Variants in PLEC observed in about 807,000 individuals in gnomAD.
PLEC encodes the protein hemidesmosomal protein 1.
In PLEC, 216 loss-of-function variants were observed where a neutral mutation model predicts 392.8. The observed-to-expected ratio is 0.55, with a 90% CI of 0.49 to 0.62. The LOEUF (loss-of-function observed/expected upper bound fraction) is 0.62, where lower values mean the gene tolerates loss of function less well. Ranked by LOEUF, PLEC falls within the 20% of genes least tolerant of loss-of-function variation. PLEC has a pLI of 0.00. For synonymous variants in PLEC, 3,621 were observed against 2,980.6 expected (o/e 1.21, Z -7.00); for missense variants, 6,863 against 6,563.4 (o/e 1.05, Z -1.58).
intron 1 of PLEC, among the ~76,000 whole-genome samples, chr8:143,959,864 C>T (rs1317305540): frequency 2.6e-5 from 4 of 152,006 alleles, no homozygotes; most frequent in African/African-American, 7.3e-5. Flanking sequence ...GGTGTGGTGG[C>T]GGGCGCCTGT....
rs781929758 is a variant in PLEC, at chr8:143,916,342, C to G, written c.13479G>C (p.Ser4493=). Reference sequence around the variant, plus strand: ...GGGAGCCGGCCCGGGAGCCGGTGCGCGAGCCGGTGCGGGAGCCAGCGGTAG... The same window carrying G: ...GGGAGCCGGCCCGGGAGCCGGTGCGGGAGCCGGTGCGGGAGCCAGCGGTAG... ...SGSTAGSRTG[S]RTGSRAGSRR... The change falls in exon 32 of 32, where the codon TCG becomes TCC. Residue 4493 remains serine, a synonymous_variant. Transcript: ENST00000345136. 4.8e-5 allele frequency: 76 copies of G among 1,598,438 alleles called. No individual in the cohort carries two copies. The highest frequency in any genetic ancestry group is 3.1e-4 in the Admixed American group (18 of 58,942).
chr8:143,954,044 G>A, upstream of PLEC: 1 of 732,676 alleles, frequency 1.4e-6, no homozygotes, highest in Non-Finnish European at 2.0e-6. The surrounding 1 kb of genome is among the most constrained non-coding windows in gnomAD (Gnocchi z 4.6). Context: ...CACCAGGCCG[G>A]ATCCAGGAGC....
At position 143,921,019 on chromosome 8, in the gene PLEC, C is replaced by T. The variant is rs782395875; in HGVS notation, c.8802G>A (p.Thr2934=). ...GCAGCAGGTCCCGCCGCTGCTCTGC[C>T]GTGAAGTATTCCGAGTTGATGATCT... ...IWEIINSEYF[T]AEQRRDLLRQ... Residue 2934 remains threonine, a synonymous_variant, in exon 32 of 32, where the codon ACG becomes ACA. Coordinates refer to ENST00000345136, the MANE Select transcript of PLEC (RefSeq NM_201384.3). The T allele has an allele frequency of 8.7e-6, 14 of 1,613,076 alleles. No individual in the cohort carries two copies. Among genetic ancestry groups the T allele is most frequent in the Middle Eastern group, 1.6e-4 (1 of 6,084 alleles).
chr8:143,975,424 C>A (rs1554745808), upstream of PLEC: 4 of 1,513,586 alleles, frequency 2.6e-6, no homozygotes, highest in Non-Finnish European at 3.6e-6. The surrounding 1 kb of genome is among the most constrained non-coding windows in gnomAD (Gnocchi z 9.9). Flanking sequence ...CAGGAGTGGA[C>A]TCTGCACGCC....
chr8:143,923,039 G>A lies in PLEC; in HGVS notation c.6890C>T (p.Ala2297Val). The A allele has an allele frequency of 6.2e-7, 1 of 1,611,040 alleles. No homozygotes were observed. The highest frequency in any genetic ancestry group is 2.2e-5 in the East Asian group (1 of 44,818). ...AQEAARLRQL[A>V]EEDLAQQRAL... ...CCGCTGCTGTGCCAGGTCCTCCTCT[G>A]CCAGCTGCCGCAGTCGCGCAGCCTC... Residue 2297 changes from alanine (A) to valine (V), a missense_variant, in exon 31 of 32, where the codon GCA becomes GTA. Coordinates refer to ENST00000345136, the MANE Select transcript of PLEC (RefSeq NM_201384.3).
At chr8:143,931,141 G>A (rs545086742) in intron 19 of PLEC, among the ~76,000 whole-genome samples, 5 of 152,146 alleles carry the variant, frequency 3.3e-5, no homozygotes, top group Non-Finnish European at 7.4e-5. Flanking sequence ...CACAAGGGCT[G>A]GCGGTGCCCC....
At chr8:143,939,252 C>A in intron 1 of PLEC, 98 bp downstream of exon 1, 3 of 1,488,892 alleles carry the variant, frequency 2.0e-6, no homozygotes, top group Non-Finnish European at 1.8e-6. Flanking sequence ...AAGACCAGCC[C>A]CCCAGCGGTG....
At position 143,923,445 on chromosome 8, in the gene PLEC, C is replaced by T. The variant is rs782617462; in HGVS notation, c.6484G>A (p.Ala2162Thr). ...TGCTTCTCCATCTCCGCGTCAGCTG[C>T]CTGCTTCTGCCGCAGGGCCGCCTGC... ...AEQAALRQKQ[A>T]ADAEMEKHKK... Residue 2162 changes from alanine (A) to threonine (T), a missense_variant, in exon 31 of 32, where the codon GCA (alanine) becomes ACA (threonine). Transcript: ENST00000345136. 1 of 1,608,826 alleles carries T rather than the reference C, an allele frequency of 6.2e-7. No individual in the cohort carries two copies. Among genetic ancestry groups the T allele is most frequent in the South Asian group, 1.1e-5 (1 of 91,054 alleles).
Position 143,939,350 on chromosome 8 carries a change from C to A in PLEC, c.112G>T (p.Asp38Tyr). Residue 38 changes from aspartate to tyrosine, a missense_variant and splice_region_variant, in exon 1 of 32, where the codon GAT becomes TAT. By Grantham distance (160) the Asp-to-Tyr change is radical. Transcript: ENST00000345136. ...GGGTGCCCGAGGGGAGCCCTGCTAC[C>A]TTTCTTGCCCTCAGAGGCCCTGAGC... ...AVLRASEGKKDERDRVQKKTF... is the reference protein window; with the variant it reads ...AVLRASEGKKYERDRVQKKTF... 1 of 1,611,382 alleles carries A rather than the reference C, an allele frequency of 6.2e-7. No individual in the cohort carries two copies. Among genetic ancestry groups the A allele is most frequent in the Non-Finnish European group, 8.5e-7 (1 of 1,179,274 alleles).
At chr8:143,944,702 G>A in intron 1 of PLEC, 2 of 1,308,906 alleles carry the variant, frequency 1.5e-6, no homozygotes, top group Non-Finnish European at 9.8e-7. Context: ...AGACGGAGCG[G>A]GCCAGGGGTG....
At chr8:143,942,453 C>G, upstream of PLEC, 1 of 1,601,980 alleles carries the variant, frequency 6.2e-7, no homozygotes, top group Non-Finnish European at 8.5e-7. Context: ...CCCCGTCCAG[C>G]CAGCACGGCC....
upstream of PLEC, among the ~76,000 whole-genome samples, chr8:143,973,977 G>A (rs1167726818): frequency 6.6e-6 from 1 of 152,222 alleles, no homozygotes; most frequent in African/African-American, 2.4e-5. The surrounding 1 kb of genome is among the most constrained non-coding windows in gnomAD (Gnocchi z 5.6). Context: ...TACGAGGACT[G>A]GAATAGCCCA....
intron 1 of PLEC, 42 bp downstream of exon 1, chr8:143,939,308 C>A (rs1829935310): frequency 7.6e-6 from 12 of 1,586,888 alleles, no homozygotes; most frequent in South Asian, 1.1e-5. Context: ...CCCGCAGGGG[C>A]CCGCCCTGCC....
upstream of PLEC, chr8:143,958,729 T>C: frequency 2.3e-6 from 1 of 437,196 alleles, no homozygotes; most frequent in Admixed American, 2.4e-5. This position sits in a 1 kb window ranked among gnomAD's most constrained non-coding sequence, Gnocchi z 4.9. Context: ...TCGCCAGGCC[T>C]CTGTGGAGAG....
At position 143,918,815 on chromosome 8, in the gene PLEC, C is replaced by T. The variant is rs1554676292; in HGVS notation, c.11006G>A (p.Gly3669Asp). Residue 3669 changes from glycine to aspartate, a missense_variant, in exon 32 of 32, where the codon GGC becomes GAC. Physicochemically the swap from Gly to Asp is moderately conservative, Grantham distance 94 (BLOSUM62 -1). Coordinates refer to ENST00000345136, the MANE Select transcript of PLEC (RefSeq NM_201384.3). ...SLETYNLLRE[G>D]TRSLREALEA... ...GAGAGCCTCACGGAGGCTCCTGGTG[C>T]CCTCCCGGAGCAGGTTGTAGGTCTC... 6.2e-7 allele frequency: 1 copy of T among 1,613,206 alleles called. No homozygotes were observed. Among genetic ancestry groups the T allele is most frequent in the Non-Finnish European group, 8.5e-7 (1 of 1,180,032 alleles).
chr8:143,932,458 A>ACCT lies in PLEC; in HGVS notation c.1916_1918dup (p.Glu639dup). 3 of 1,612,272 alleles carry ACCT rather than the reference A, an allele frequency of 1.9e-6. No homozygotes were observed. The highest frequency in any genetic ancestry group is 2.5e-6 in the Non-Finnish European group (3 of 1,179,842). On this transcript the variant is annotated inframe_insertion, in exon 16 of 32. Coordinates refer to ENST00000345136, the MANE Select transcript of PLEC (RefSeq NM_201384.3). ...GTTGCGGTCGCTCCAGTCGAAGCCCACCTCCTCCTCCTCCTTCTCATTCAG... is the reference window on the plus strand; with the variant it reads ...GTTGCGGTCGCTCCAGTCGAAGCCCACCTCCTCCTCCTCCTCCTTCTCATTCAG...
At chr8:143,972,048 C>A (rs973969662) in intron 1 of PLEC, among the ~76,000 whole-genome samples, 4 of 152,204 alleles carry the variant, frequency 2.6e-5, no homozygotes, top group Non-Finnish European at 1.5e-5. Context: ...CCAGAACAGG[C>A]TGGGGCACCC....
upstream of PLEC, chr8:143,951,010 C>T (rs937479431): frequency 4.9e-5 from 25 of 509,478 alleles, no homozygotes; most frequent in Non-Finnish European, 7.2e-5. Flanking sequence ...CCACAGCCGA[C>T]GGGGCCCTTG....
chr8:143,932,572 G>A lies in PLEC; in HGVS notation c.1816-11C>T. 3.1e-6 allele frequency: 5 copies of A among 1,612,472 alleles called. No homozygotes were observed. The highest frequency in any genetic ancestry group is 4.2e-6 in the Non-Finnish European group (5 of 1,179,930). ...GGCCTTGGAGGAGTTCTGTGGGCAG[G>A]AGGGTGCGTGTCAGCAGGCCGCGGG... is the stretch of plus-strand genomic sequence containing the variant. On this transcript the variant is annotated splice_polypyrimidine_tract_variant and intron_variant, in intron 15 of 31. Coordinates refer to ENST00000345136, the MANE Select transcript of PLEC (RefSeq NM_201384.3).
Sources: gnomAD v4.1 joint callset for allele counts (sites outside exome capture counted in the v4.1 genomes callset) on GRCh38, gnomAD v4.1.1 for gene constraint, Gnocchi (gnomAD v3.1) non-coding constraint, MANE v1.5 for transcripts, NCBI Gene and HGNC (gene_info 2026-07-23, HGNC 2026-07-21) for gene names.